The following CRACDL variants were observed in gnomAD, a reference collection of about 807,000 sequenced individuals.
CRACDL encodes the protein CRACD-like protein.
In CRACDL, 26 loss-of-function variants were observed where a neutral mutation model predicts 70.6. The observed-to-expected ratio is 0.37, with a 90% confidence interval of 0.27 to 0.51. CRACDL has a LOEUF of 0.51. CRACDL is among the 20% of genes least tolerant of loss of function. The pLI is 0.94. For missense variants in CRACDL, 1,283 were observed against 1,376.9 expected (o/e 0.93, Z 1.08); for synonymous variants, 618 against 615.2 (o/e 1.00, Z -0.07).
At chr2:98,820,706 C>T (rs937863990) in intron 7 of CRACDL, among the ~76,000 whole-genome samples, 1 of 152,244 alleles carries the variant, frequency 6.6e-6, no homozygotes, top group African/African-American at 2.4e-5. Context: ...TTTCAAAAGA[C>T]AGCTGCTTTC....
intron 1 of CRACDL, among the ~76,000 whole-genome samples, chr2:98,873,109 G>T (rs34280849): frequency 6.6e-6 from 1 of 152,190 alleles, no homozygotes. Context: ...ATACCTCAGC[G>T]GTTGTGAGAA....
intron 1 of CRACDL, among the ~76,000 whole-genome samples, chr2:98,879,235 C>T (rs1026139548): frequency 6.6e-6 from 1 of 152,196 alleles, no homozygotes; most frequent in Non-Finnish European, 1.5e-5. Context: ...ACCACCTATG[C>T]TTAGAAAACC....
chr2:98,890,809 C>A (rs1215523806), intron 1 of CRACDL, among the ~76,000 whole-genome samples: 2 of 152,206 alleles, frequency 1.3e-5, no homozygotes, highest in Admixed American at 1.3e-4. Context: ...GTAATCCCAG[C>A]ACATTGGGAG....
chr2:98,823,022 G>T lies in CRACDL; in HGVS notation c.1251C>A (p.Asp417Glu). The T allele has an allele frequency of 4.6e-6, 7 of 1,525,368 alleles. No individual in the cohort carries two copies. The highest frequency in any genetic ancestry group is 6.2e-6 in the Non-Finnish European group (7 of 1,136,768). The allele number at this position is 1,525,368 out of a possible 1,614,324, so 94.5% of individuals were successfully genotyped here. A position where few individuals can be genotyped will look rare whatever the true frequency, so the allele number is the denominator to read the frequency against. Residue 417 changes from aspartate to glutamate, a missense_variant, in exon 7 of 10, where the codon GAC becomes GAA. This residue lies in a region of CRACDL where 921 missense variants were observed against 881.9 expected (regional missense o/e 1.04). Coordinates refer to ENST00000397899, the MANE Select transcript of CRACDL (RefSeq NM_207362.3). The surrounding 1 kb of genome is among the most constrained non-coding windows in gnomAD (Gnocchi z 4.0). Reference protein sequence around the residue: ...PEGDTTPPETDPAATSEAPSA... With the variant: ...PEGDTTPPETEPAATSEAPSA... ...AGGGCGCCTCTGAGGTGGCGGCGGG[G>T]TCAGTCTCGGGGGGAGTCGTGTCCC...
chr2:98,865,792 T>C (rs1707110800), intron 1 of CRACDL, among the ~76,000 whole-genome samples: 1 of 150,830 alleles, frequency 6.6e-6, no homozygotes, highest in African/African-American at 2.4e-5. Context: ...TCAAGAGGAC[T>C]TTCTGCTTTT....
At chr2:98,900,623 G>A (rs576699232) in intron 1 of CRACDL, among the ~76,000 whole-genome samples, 20 of 152,234 alleles carry the variant, frequency 1.3e-4, no homozygotes, top group South Asian at 4.1e-4. Flanking sequence ...GTGTGCATGC[G>A]TGCGTGCAGG....
chr2:98,830,353 T>C (rs898276803), intron 5 of CRACDL, among the ~76,000 whole-genome samples: 3 of 152,238 alleles, frequency 2.0e-5, no homozygotes, highest in African/African-American at 7.2e-5. Context: ...TAAAGTTTTC[T>C]GTCTATGTGG....
intron 1 of CRACDL, among the ~76,000 whole-genome samples, 186 bp from the exon 2 acceptor site, chr2:98,846,996 A>G (rs1297944959): frequency 6.6e-6 from 1 of 152,250 alleles, no homozygotes; most frequent in Non-Finnish European, 1.5e-5. Context: ...CAGTAACCGC[A>G]TAAGCGTTTA....
rs1011899493 is a variant in CRACDL, at chr2:98,827,023, C to T, written c.687G>A (p.Gln229=). Reference sequence around the variant, plus strand: ...TCGACCGCTGGTTGCGGGGCTTGACCTGGAGCTTGTGCTTAGCTGCAGAGT... The same window carrying T: ...TCGACCGCTGGTTGCGGGGCTTGACTTGGAGCTTGTGCTTAGCTGCAGAGT... The part of the protein sequence containing the change: ...LDNSAAKHKL[Q]VKPRNQRSSK... Residue 229 remains glutamine (Q), a synonymous_variant, in exon 6 of 10, where the codon CAG becomes CAA. Transcript: ENST00000397899. 1.2e-6 allele frequency: 2 copies of T among 1,614,080 alleles called. No homozygotes were observed. The highest frequency in any genetic ancestry group is 1.1e-5 in the South Asian group (1 of 91,078).
In CRACDL at chr2:98,847,811, C is replaced by T. The variant is rs561100121; in HGVS notation, c.-10-1001G>A. Among the ~76,000 whole-genome samples the T allele has an allele frequency of 2.8e-4, 43 of 152,306 alleles. 1 individual carries two copies. The highest frequency in any genetic ancestry group is 2.5e-3 in the Admixed American group (39 of 15,300). On this transcript the variant is annotated intron_variant, in intron 1 of 9. Coordinates refer to ENST00000397899, the MANE Select transcript of CRACDL (RefSeq NM_207362.3). The stretch of plus-strand genomic sequence containing the variant: ...GGGGCTTGAATATTTAACCAATTCA[C>T]GTTTACCACTTGTACACAGCACAGA...
At chr2:98,866,472 C>CT (rs869154325) in intron 1 of CRACDL, among the ~76,000 whole-genome samples, 12 of 107,808 alleles carry the variant, frequency 1.1e-4, no homozygotes, top group Non-Finnish European at 1.3e-4. Context: ...ACAATCACTT[C>CT]TTCTTTTTTT....
At chr2:98,886,783 GGAGA>G (rs1305779637) in intron 1 of CRACDL, among the ~76,000 whole-genome samples, 3 of 152,002 alleles carry the variant, frequency 2.0e-5, no homozygotes, top group African/African-American at 7.3e-5. Context: ...CAAACCCTAG[GGAGA>G]GAGAAAGAAT....
chr2:98,892,689 CA>C (rs879749506), intron 1 of CRACDL, among the ~76,000 whole-genome samples: 14 of 135,790 alleles, frequency 1.0e-4, no homozygotes, highest in African/African-American at 1.1e-4. Context: ...GGCTCAGTCT[CA>C]AAAAAAAAAG....
rs185248865 is a variant in CRACDL, at chr2:98,803,771, T to C, written c.2417-6234A>G. Among the ~76,000 whole-genome samples, 3 of 152,330 alleles carry C rather than the reference T, an allele frequency of 2.0e-5. No homozygotes were observed. The East Asian group carries it at 5.8e-4, about 29-fold the overall frequency. On this transcript the variant is annotated intron_variant, in intron 7 of 9. Transcript: ENST00000397899. ...CATCGCCATTTCTCACAGCCAGCTG[T>C]GCTAGAACAGTCACTGTGCCTCGTT...
At chr2:98,845,916 G>C (rs965256772) in intron 2 of CRACDL, among the ~76,000 whole-genome samples, 9 of 152,130 alleles carry the variant, frequency 5.9e-5, no homozygotes, top group African/African-American at 2.2e-4. Context: ...ATCTGAAATG[G>C]AGTATTTGCT....
In CRACDL at chr2:98,822,991, G is replaced by A. The variant is rs1366319027; in HGVS notation, c.1282C>T (p.Arg428Cys). The stretch of plus-strand genomic sequence containing the variant: ...GGGACACTGCGTTCTGGCCCGTCGC[G>A]AGCAGAGGGCGCCTCTGAGGTGGCG... ...PAATSEAPSARDGPERSVPKE... is the reference protein window; with the variant it reads ...PAATSEAPSACDGPERSVPKE... Residue 428 changes from arginine (R) to cysteine (C), a missense_variant, in exon 7 of 10, where the codon CGC becomes TGC. Arg to Cys is a radical substitution (Grantham distance 180). Around this residue, in one of 2 missense-constraint regions of CRACDL, gnomAD observed 921 missense variants for 881.9 expected, o/e 1.04. Transcript: ENST00000397899. The surrounding 1 kb of genome is among the most constrained non-coding windows in gnomAD (Gnocchi z 4.9). 3 of 1,493,090 alleles carry A rather than the reference G, an allele frequency of 2.0e-6. No individual in the cohort carries two copies. The highest frequency in any genetic ancestry group is 1.3e-5 in the South Asian group (1 of 78,824). 92.5% of individuals were successfully genotyped at this position (1,493,090 alleles called of 1,614,324 possible). A position where few individuals can be genotyped will look rare whatever the true frequency, so the allele number is the denominator to read the frequency against.
At chr2:98,877,348 A>G (rs985763532) in intron 1 of CRACDL, among the ~76,000 whole-genome samples, 2 of 152,246 alleles carry the variant, frequency 1.3e-5, no homozygotes, top group Admixed American at 6.5e-5. Flanking sequence ...GTTTCAGTCA[A>G]TGATGAAAAG....
chr2:98,839,535 G>A (rs1370717928), intron 2 of CRACDL, among the ~76,000 whole-genome samples: 1 of 152,176 alleles, frequency 6.6e-6, no homozygotes, highest in Admixed American at 6.5e-5. Flanking sequence ...TCAATATCAT[G>A]ACCATCAAAA....
At chr2:98,797,681 G>GTT in intron 7 of CRACDL, 144 bp from the exon 8 acceptor site, 1 of 693,796 alleles carries the variant, frequency 1.4e-6, no homozygotes, top group African/African-American at 1.8e-5. Flanking sequence ...TAGGGGCTTT[G>GTT]TTTTCTTATT....
Sources: allele counts gnomAD v4.1 joint callset (sites outside exome capture counted in the v4.1 genomes callset), GRCh38; gene constraint gnomAD v4.1.1; regional missense constraint gnomAD v4.1.1; non-coding constraint Gnocchi (gnomAD v3.1); transcripts MANE v1.5; gene names NCBI Gene and HGNC (gene_info 2026-07-23, HGNC 2026-07-21).